The following BMP6 variants were observed in gnomAD, a reference collection of about 807,000 sequenced individuals.
BMP6 encodes the protein bone morphogenetic protein 6, also known as VG-1-R.
Under a neutral mutation model 54.1 loss-of-function variants are expected in BMP6, and 17 were observed. The ratio of observed to expected loss-of-function variants is 0.31; its 90% CI spans 0.22 to 0.47. The LOEUF (loss-of-function observed/expected upper bound fraction) is 0.47. Ranked by LOEUF, BMP6 falls within the 20% of genes least tolerant of loss-of-function variation. The probability of loss-of-function intolerance (pLI) is 1.00; values close to 1 mark genes in which losing one functional copy is unlikely to be tolerated. For missense variants in BMP6, 720 were observed against 690.4 expected (o/e 1.04, Z -0.48); for synonymous variants, 328 against 291.2 (o/e 1.13, Z -1.28).
At chr6:7,747,864 A>G (rs1395523509) in intron 1 of BMP6, among the ~76,000 whole-genome samples, 2 of 150,812 alleles carry the variant, frequency 1.3e-5, no homozygotes, top group Non-Finnish European at 3.0e-5. Flanking sequence ...CAGGCTGGTC[A>G]TGAACTCCTG....
chr6:7,777,689 A>AT (rs1231607535), intron 1 of BMP6, among the ~76,000 whole-genome samples: 1 of 151,918 alleles, frequency 6.6e-6, no homozygotes, highest in African/African-American at 2.4e-5. Flanking sequence ...AATAAAAAAA[A>AT]AAAAGGGAGA....
At chr6:7,828,942 C>T (rs1002075272) in intron 1 of BMP6, among the ~76,000 whole-genome samples, 5 of 152,328 alleles carry the variant, frequency 3.3e-5, no homozygotes, top group East Asian at 3.9e-4. Flanking sequence ...AGACTCTCCC[C>T]GTGTCCCAGG....
At chr6:7,857,161 T>G (rs1221554177) in intron 2 of BMP6, among the ~76,000 whole-genome samples, 1 of 152,236 alleles carries the variant, frequency 6.6e-6, no homozygotes, top group Non-Finnish European at 1.5e-5. Context: ...TATGCAGGGA[T>G]AAATCTTGCC....
intron 2 of BMP6, among the ~76,000 whole-genome samples, chr6:7,846,291 G>A (rs541042116): frequency 6.6e-6 from 1 of 152,260 alleles, no homozygotes; most frequent in East Asian, 1.9e-4. Context: ...ACCAAGTCCA[G>A]GTTCCCACTT....
chr6:7,778,916 C>T (rs1467279409), intron 1 of BMP6, among the ~76,000 whole-genome samples: 5 of 152,208 alleles, frequency 3.3e-5, no homozygotes, highest in Non-Finnish European at 7.3e-5. Context: ...CTCCAGTATT[C>T]GTATCCTATT....
At chr6:7,792,717 T>C (rs1419314152) in intron 1 of BMP6, among the ~76,000 whole-genome samples, 1 of 152,216 alleles carries the variant, frequency 6.6e-6, no homozygotes, top group Non-Finnish European at 1.5e-5. Flanking sequence ...CAGAGGATGC[T>C]TGATGGCAGG....
chr6:7,750,335 C>A (rs1424801188), intron 1 of BMP6, among the ~76,000 whole-genome samples: 2 of 152,036 alleles, frequency 1.3e-5, no homozygotes, highest in Non-Finnish European at 2.9e-5. Flanking sequence ...AACTTCCGAA[C>A]TGCAGAGGTA....
At chr6:7,809,911 A>G (rs1758411096) in intron 1 of BMP6, among the ~76,000 whole-genome samples, 1 of 151,762 alleles carries the variant, frequency 6.6e-6, no homozygotes, top group African/African-American at 2.4e-5. Flanking sequence ...ATTAAAATAG[A>G]TCATATTAAT....
chr6:7,735,589 GT>G (rs201550135), intron 1 of BMP6, among the ~76,000 whole-genome samples: 8 of 151,498 alleles, frequency 5.3e-5, no homozygotes, highest in African/African-American at 1.5e-4. Flanking sequence ...GAAAGAGAGG[GT>G]TTTTTTTTAA....
At chr6:7,809,619 T>C (rs1758406183) in intron 1 of BMP6, among the ~76,000 whole-genome samples, 1 of 152,242 alleles carries the variant, frequency 6.6e-6, no homozygotes, top group Non-Finnish European at 1.5e-5. Flanking sequence ...GAGATACTCC[T>C]GACCATTGAC....
intron 1 of BMP6, among the ~76,000 whole-genome samples, chr6:7,788,005 T>C (rs552336155): frequency 2.0e-5 from 3 of 152,206 alleles, no homozygotes; most frequent in Admixed American, 1.3e-4. Flanking sequence ...CAGCCTGATA[T>C]AACTTTAAGT....
intron 1 of BMP6, 142 bp downstream of exon 1, chr6:7,727,761 T>C: frequency 1.9e-6 from 2 of 1,074,050 alleles, no homozygotes; most frequent in South Asian, 4.9e-5. Context: ...ACAGGCAGGC[T>C]GTGCTCCCGC....
chr6:7,793,073 A>G (rs1758134809), intron 1 of BMP6, among the ~76,000 whole-genome samples: 1 of 150,934 alleles, frequency 6.6e-6, no homozygotes, highest in Non-Finnish European at 1.5e-5. Flanking sequence ...GAGAAACTTG[A>G]TATACAGTTA....
chr6:7,758,743 CT>C (rs1757563672), intron 1 of BMP6, among the ~76,000 whole-genome samples: 1 of 152,204 alleles, frequency 6.6e-6, no homozygotes, highest in South Asian at 2.1e-4. Context: ...CCTCGCAATT[CT>C]GGCATCCAGT....
At chr6:7,844,956 A>C (rs1759037447) in intron 1 of BMP6, among the ~76,000 whole-genome samples, 184 bp from the exon 2 acceptor site, 1 of 152,178 alleles carries the variant, frequency 6.6e-6, no homozygotes, top group African/African-American at 2.4e-5. Context: ...ATCTTGGGTA[A>C]CATGAAGGAT....
At chr6:7,784,567 A>G (rs1057188197) in intron 1 of BMP6, among the ~76,000 whole-genome samples, 2 of 152,206 alleles carry the variant, frequency 1.3e-5, no homozygotes, top group African/African-American at 2.4e-5. Flanking sequence ...TCATGTCTCA[A>G]TTCAGATATT....
chr6:7,833,547 A>G (rs1758824319), intron 1 of BMP6, among the ~76,000 whole-genome samples: 1 of 152,196 alleles, frequency 6.6e-6, no homozygotes, highest in East Asian at 1.9e-4. Flanking sequence ...TCTTTGGAGA[A>G]CGCTGGGCTG....
At chr6:7,771,285 G>A (rs1394341927) in intron 1 of BMP6, among the ~76,000 whole-genome samples, 1 of 152,188 alleles carries the variant, frequency 6.6e-6, no homozygotes, top group Non-Finnish European at 1.5e-5. Flanking sequence ...TAAGCTGACT[G>A]CATTGAATCT....
intron 1 of BMP6, among the ~76,000 whole-genome samples, chr6:7,784,022 GCTTT>G (rs902358013): frequency 6.6e-6 from 1 of 152,090 alleles, no homozygotes; most frequent in African/African-American, 2.4e-5. Context: ...TCCCCAACAT[GCTTT>G]CTATTTCTAT....
Sources: gnomAD v4.1 joint callset for allele counts (sites outside exome capture counted in the v4.1 genomes callset) on GRCh38, gnomAD v4.1.1 for gene constraint, MANE v1.5 for transcripts, NCBI Gene and HGNC (gene_info 2026-07-23, HGNC 2026-07-21) for gene names.